The following PCDHA2 variants were observed in gnomAD, a reference collection of about 807,000 sequenced individuals.
The protein encoded by PCDHA2 is protocadherin alpha-2.
A neutral mutation model predicts 66.0 loss-of-function variants in PCDHA2; 58 were observed. That is an observed-to-expected ratio of 0.88 (90% CI 0.71 to 1.09). The LOEUF is 1.09. Among genes scored for constraint, PCDHA2 ranks in the 50% least tolerant of loss-of-function variants. PCDHA2 has a pLI of 0.00. For synonymous variants in PCDHA2, 634 were observed against 554.0 expected, an observed-to-expected ratio of 1.14 and a Z score of -2.03; for missense variants, 1,267 against 1,242.3, an observed-to-expected ratio of 1.02 and a Z score of -0.30.
chr5:140,795,638 C>T lies in PCDHA2; in HGVS notation c.674C>T (p.Thr225Ile). The change falls in exon 1 of 4, where the codon ACC becomes ATC. Residue 225 changes from threonine (T) to isoleucine (I), a missense_variant. Coordinates refer to ENST00000526136, the MANE Select transcript of PCDHA2 (RefSeq NM_018905.3). ...GGGGGCAAACCTGAGCTCACGGGCA[C>T]CGTTCAAATACTTATTAAGGTATTA... ...TDGGKPELTG[T>I]VQILIKVLDV... is the part of the protein sequence containing the mutation. 1.9e-6 allele frequency: 3 copies of T among 1,614,096 alleles called. No individual in the cohort carries two copies. In the Admixed American group the frequency reaches 5.0e-5, roughly 27 times the overall value.
intron 1 of PCDHA2, chr5:140,809,167 G>C: frequency 6.2e-7 from 1 of 1,613,990 alleles, no homozygotes; most frequent in South Asian, 1.1e-5. Context: ...CCGCGCTGAC[G>C]GCCACGGCCA....
intron 3 of PCDHA2, among the ~76,000 whole-genome samples, chr5:140,993,152 C>A (rs932484139): frequency 2.6e-4 from 39 of 152,142 alleles, no homozygotes; most frequent in African/African-American, 9.2e-4. Context: ...TAAATGGATT[C>A]TAAATATTTG....
rs1221925609 is a variant in PCDHA2, at chr5:140,850,980, T to C, written c.2388+53628T>C. The C allele has an allele frequency of 2.1e-6, 3 of 1,453,332 alleles. 1 individual carries two copies. The highest frequency in any genetic ancestry group is 1.4e-5 in the African/African-American group (1 of 69,706). 90.0% of individuals were successfully genotyped at this position (1,453,332 alleles called of 1,614,324 possible). A position where few individuals can be genotyped will look rare whatever the true frequency, so the allele number is the denominator to read the frequency against. On this transcript the variant is annotated intron_variant, in intron 1 of 3. Coordinates refer to ENST00000526136, the MANE Select transcript of PCDHA2 (RefSeq NM_018905.3). ...CCCAGGGGCCGTTCAAATAGTTTTATTCATTTTTCTAGAAATCCAGCAGAT... is the reference window on the plus strand; with the variant it reads ...CCCAGGGGCCGTTCAAATAGTTTTACTCATTTTTCTAGAAATCCAGCAGAT...
At chr5:140,802,499 A>G (rs1554122168) in intron 1 of PCDHA2, 1 of 1,614,136 alleles carries the variant, frequency 6.2e-7, no homozygotes, top group South Asian at 1.1e-5. Flanking sequence ...GCTCGCCTTC[A>G]CTGTGGGCCA....
At chr5:140,909,186 A>G (rs552786721) in intron 1 of PCDHA2, among the ~76,000 whole-genome samples, 1 of 152,336 alleles carries the variant, frequency 6.6e-6, no homozygotes, top group Admixed American at 6.5e-5. Context: ...TCCAAACAAG[A>G]TTATGACACA....
At chr5:140,973,492 T>C (rs2096590680) in intron 1 of PCDHA2, among the ~76,000 whole-genome samples, 1 of 152,192 alleles carries the variant, frequency 6.6e-6, no homozygotes, top group African/African-American at 2.4e-5. Context: ...GTCACAGGAC[T>C]CTTCTTCTGA....
intron 1 of PCDHA2, chr5:140,830,558 T>C: frequency 9.8e-7 from 1 of 1,015,990 alleles, no homozygotes; most frequent in Non-Finnish European, 1.3e-6. Context: ...ATTTGTCTTC[T>C]ATATTTCTGT....
chr5:140,807,483 G>A lies in PCDHA2; in HGVS notation c.2388+10131G>A, dbSNP rs371525794. On this transcript the variant is annotated intron_variant, in intron 1 of 3. Coordinates refer to ENST00000526136, the MANE Select transcript of PCDHA2 (RefSeq NM_018905.3). ...GACCGGGAGGAGCTGTGCCGGCGGA[G>A]CGCGGAGTGCAGCATCCACCTGGAG... is the stretch of plus-strand genomic sequence containing the variant. 18 of 1,613,438 alleles carry A rather than the reference G, an allele frequency of 1.1e-5. No homozygotes were observed. In the African/African-American group the frequency reaches 1.7e-4, roughly 16 times the overall value.
In PCDHA2 at chr5:140,856,245, C is replaced by T. The variant is rs782062442; in HGVS notation, c.2388+58893C>T. 5.5e-5 allele frequency: 88 copies of T among 1,597,902 alleles called. 5 individuals are homozygous for T. The South Asian group carries it at 8.8e-4, about 16-fold the overall frequency. On this transcript the variant is annotated intron_variant, in intron 1 of 3. Coordinates refer to ENST00000526136, the MANE Select transcript of PCDHA2 (RefSeq NM_018905.3). ...CTGGTGCAGCGCCTGTTCCGGGTGGCGTCCAAAAGACACGGGGACCTTCTG... is the reference window on the plus strand; with the variant it reads ...CTGGTGCAGCGCCTGTTCCGGGTGGTGTCCAAAAGACACGGGGACCTTCTG...
chr5:140,860,129 G>GTGTGTATATA (rs1168748861), intron 1 of PCDHA2: 1 of 150,592 alleles, frequency 6.6e-6, no homozygotes, highest in Non-Finnish European at 1.5e-5. Flanking sequence ...TACTGTGTGT[G>GTGTGTATATA]TGTGTATATA....
intron 3 of PCDHA2, among the ~76,000 whole-genome samples, chr5:140,997,131 C>G (rs577407385): frequency 6.6e-6 from 1 of 152,008 alleles, no homozygotes; most frequent in Admixed American, 6.6e-5. Flanking sequence ...ACACAATGCC[C>G]CCACACCCCC....
At chr5:140,887,125 C>G (rs1391575318) in intron 1 of PCDHA2, among the ~76,000 whole-genome samples, 3 of 150,080 alleles carry the variant, frequency 2.0e-5, no homozygotes. Context: ...GAGACGGAGT[C>G]TCACTCTGTC....
chr5:140,844,211 T>C (rs1162021656), intron 1 of PCDHA2, among the ~76,000 whole-genome samples: 1 of 149,836 alleles, frequency 6.7e-6, no homozygotes, highest in African/African-American at 2.4e-5. Flanking sequence ...TGTCTGGTAG[T>C]CACAAATATC....
chr5:140,986,776 C>G (rs916981139), intron 3 of PCDHA2, among the ~76,000 whole-genome samples: 5 of 152,098 alleles, frequency 3.3e-5, no homozygotes, highest in Non-Finnish European at 7.3e-5. Context: ...AATTAGGTAG[C>G]GGAAGCCACT....
intron 1 of PCDHA2, chr5:140,848,977 A>C (rs2150427682): frequency 6.2e-7 from 1 of 1,600,464 alleles, no homozygotes; most frequent in South Asian, 1.1e-5. Context: ...TCCGATGCAG[A>C]TATCGGGGAG....
chr5:140,849,601 T>G lies in PCDHA2; in HGVS notation c.2388+52249T>G, dbSNP rs2150442110. ...GAGGACGCACAACTGGGGACAGTTA[T>G]TGCCCTGATTAGTGTGATCGACCTA... is the stretch of plus-strand genomic sequence containing the variant. On this transcript the variant is annotated intron_variant, in intron 1 of 3. Transcript: ENST00000526136. The G allele has an allele frequency of 3.9e-5, 63 of 1,598,652 alleles. 7 individuals carry two copies. The highest frequency in any genetic ancestry group is 2.7e-4 in the South Asian group (24 of 90,564).
At chr5:140,966,593 A>G in intron 1 of PCDHA2, 1 of 595,648 alleles carries the variant, frequency 1.7e-6, no homozygotes, top group Non-Finnish European at 2.6e-6. Context: ...CGGTGGGGCC[A>G]GGAGCCCTTG....
chr5:140,904,912 T>C (rs2071465626), intron 1 of PCDHA2, among the ~76,000 whole-genome samples: 1 of 152,236 alleles, frequency 6.6e-6, no homozygotes, highest in Non-Finnish European at 1.5e-5. Flanking sequence ...TACTGATTTG[T>C]TTGACTTCCT....
intron 1 of PCDHA2, among the ~76,000 whole-genome samples, chr5:140,953,105 G>A (rs191289853): frequency 5.3e-5 from 8 of 152,214 alleles, no homozygotes; most frequent in Non-Finnish European, 1.2e-4. Flanking sequence ...ATGAGATTTG[G>A]GCAGGGACAC....
Sources: allele counts gnomAD v4.1 joint callset (sites outside exome capture counted in the v4.1 genomes callset), GRCh38; gene constraint gnomAD v4.1.1; transcripts MANE v1.5; gene names NCBI Gene and HGNC (gene_info 2026-07-23, HGNC 2026-07-21).